The following VWA7 variants were observed in gnomAD, a reference collection of about 807,000 sequenced individuals.
VWA7 encodes von Willebrand factor A domain containing 7.
Under a neutral mutation model 83.1 loss-of-function variants are expected in VWA7, and 66 were observed. The observed-to-expected ratio is 0.79, with a 90% CI of 0.65 to 0.98. The LOEUF is 0.98. Ranked by LOEUF, VWA7 falls within the 50% of genes least tolerant of loss-of-function variation. The probability of loss-of-function intolerance (pLI) is 0.00; values close to 1 mark genes in which losing one functional copy is unlikely to be tolerated. For synonymous variants in VWA7, 424 were observed against 488.5 expected (o/e 0.87, Z 1.74); for missense variants, 1,080 against 1,160.2 (o/e 0.93, Z 1.00).
At chr6:31,770,967 A>G (rs1812116042) in intron 7 of VWA7, among the ~76,000 whole-genome samples, 1 of 144,168 alleles carries the variant, frequency 6.9e-6, no homozygotes, top group Non-Finnish European at 1.5e-5. Flanking sequence ...GTACCATTGC[A>G]CTCCAACCTG....
At position 31,776,384 on chromosome 6, in the gene VWA7, G is replaced by A; in HGVS notation, c.235-142C>T. 7.6e-7 allele frequency: 1 copy of A among 1,310,410 alleles called. No homozygotes were observed. Among genetic ancestry groups the A allele is most frequent in the Non-Finnish European group, 1.0e-6 (1 of 970,398 alleles). 81.2% of individuals were successfully genotyped at this position (1,310,410 alleles called of 1,614,324 possible). Reference sequence around the variant, plus strand: ...GAGGGACAGTCCCGGACCTTTCTAAGGAGGGGGACTCCTAATTTCAGGACC... The same window carrying A: ...GAGGGACAGTCCCGGACCTTTCTAAAGAGGGGGACTCCTAATTTCAGGACC... On this transcript the variant is annotated intron_variant, in intron 2 of 16. Coordinates refer to ENST00000375688, the MANE Select transcript of VWA7 (RefSeq NM_025258.3). This position sits in a 1 kb window ranked among gnomAD's most constrained non-coding sequence, Gnocchi z 6.2.
At chr6:31,768,084 G>C (rs1175564203) in intron 10 of VWA7, among the ~76,000 whole-genome samples, 1 of 140,642 alleles carries the variant, frequency 7.1e-6, no homozygotes, top group Admixed American at 7.6e-5. Flanking sequence ...AGGCTGCAGT[G>C]AGCCAAGATT....
At position 31,772,972 on chromosome 6, in the gene VWA7, C is replaced by G; in HGVS notation, c.1069G>C (p.Val357Leu). ...CACTTACCTGGGTCATGAAAAGGCA[C>G]CAGGACATAGTGGACAGGCTCCATG... is the stretch of plus-strand genomic sequence containing the variant. ...SPMEPVHYVL[V>L]PFHDPGFGPV... Residue 357 changes from valine to leucine, a missense_variant, in exon 7 of 17, where the codon GTG becomes CTG. By Grantham distance (32) the Val-to-Leu change is conservative (BLOSUM62 1). Coordinates refer to ENST00000375688, the MANE Select transcript of VWA7 (RefSeq NM_025258.3). The G allele has an allele frequency of 6.6e-7, 1 of 1,513,420 alleles. No individual in the cohort carries two copies. Among genetic ancestry groups the G allele is most frequent in the Non-Finnish European group, 9.1e-7 (1 of 1,099,842 alleles). 93.7% of individuals were successfully genotyped at this position (1,513,420 alleles called of 1,614,324 possible).
rs1322943247 is a variant in VWA7, at chr6:31,769,491, G to A, written c.1317+184C>T. Among the ~76,000 whole-genome samples, 2 of 152,192 alleles carry A rather than the reference G, an allele frequency of 1.3e-5. No homozygotes were observed. Among genetic ancestry groups the A allele is most frequent in the Non-Finnish European group, 1.5e-5 (1 of 68,034 alleles). ...TAAAAATTCAGCGTTATTAAGGGTA[G>A]GGCCTCTTACGTATATCATTAAAGG... On this transcript the variant is annotated intron_variant, in intron 9 of 16. Transcript: ENST00000375688. This position sits in a 1 kb window ranked among gnomAD's most constrained non-coding sequence, Gnocchi z 4.5.
In VWA7 at chr6:31,766,347, T is replaced by C. The variant is rs1811566910; in HGVS notation, c.2222A>G (p.Lys741Arg). Residue 741 changes from lysine to arginine, a missense_variant, in exon 15 of 17, where the codon AAA becomes AGA. Coordinates refer to ENST00000375688, the MANE Select transcript of VWA7 (RefSeq NM_025258.3). The surrounding 1 kb of genome is among the most constrained non-coding windows in gnomAD (Gnocchi z 4.9). ...GGCGATGCGGAGACTGAGCGGGACT[T>C]TGCTGCCCGGGGCCAAGAAACCCGA... Reference protein sequence around the residue: ...GPSGFLAPGSKVPLSLRIASF... With the variant: ...GPSGFLAPGSRVPLSLRIASF... The C allele has an allele frequency of 6.2e-6, 10 of 1,607,708 alleles. No homozygotes were observed. Among genetic ancestry groups the C allele is most frequent in the Non-Finnish European group, 6.8e-6 (8 of 1,177,994 alleles).
chr6:31,765,896 GC>G lies in VWA7; in HGVS notation c.2485del (p.Ala829ProfsTer32), dbSNP rs1335456752. The G allele has an allele frequency of 6.2e-7, 1 of 1,612,996 alleles. No individual in the cohort carries two copies. The highest frequency in any genetic ancestry group is 1.3e-5 in the African/African-American group (1 of 74,942). ...GTGGTTCCTCACCTGCGGGGCTGGG[GC>G]CGATACCAGGAGCCGGAGGAAAGCA... The part of the protein sequence containing the change: ...THAFLRLLVS[A>X]PAPQDRHTTP... On this transcript the variant is annotated frameshift_variant, in exon 16 of 17. Coordinates refer to ENST00000375688, the MANE Select transcript of VWA7 (RefSeq NM_025258.3). LOFTEE classifies it low-confidence loss of function (END_TRUNC).
At position 31,767,688 on chromosome 6, in the gene VWA7, G is replaced by C; in HGVS notation, c.1570C>G (p.Leu524Val). 19 of 1,613,664 alleles carry C rather than the reference G, an allele frequency of 1.2e-5. No homozygotes were observed. The highest frequency in any genetic ancestry group is 1.5e-5 in the Non-Finnish European group (18 of 1,179,564). ...ATCCGGACTGTGATCTTCTGGAGCA[G>C]CCCATCCACGCTGAACACAAGTGGC... ...GQPLVFSVDG[L>V]LQKITVRIHG... Residue 524 changes from leucine to valine, a missense_variant, in exon 11 of 17, where the codon CTG becomes GTG. By Grantham distance (32) the Leu-to-Val change is conservative. Transcript: ENST00000375688.
At position 31,770,007 on chromosome 6, in the gene VWA7, G is replaced by A. The variant is rs750018318; in HGVS notation, c.1194C>T (p.Ala398=). ...GGDEPEMCLS[A]LQLALLHTPP... ...AAGAAGGGAGGGGCCAGACCTGCAG[G>A]GCTGACAGGCACATCTCAGGCTCGT... is the stretch of plus-strand genomic sequence containing the variant. Residue 398 remains alanine, a synonymous_variant, in exon 8 of 17, where the codon GCC becomes GCT. Transcript: ENST00000375688. 1.2e-6 allele frequency: 2 copies of A among 1,612,852 alleles called. No homozygotes were observed. Among genetic ancestry groups the A allele is most frequent in the Non-Finnish European group, 8.5e-7 (1 of 1,179,938 alleles).
rs1812716900 is a variant in VWA7, at chr6:31,776,705, G to T, written c.75C>A (p.Pro25=). Residue 25 remains proline (P), a synonymous_variant, in exon 2 of 17, where the codon CCC becomes CCA. Transcript: ENST00000375688. This position sits in a 1 kb window ranked among gnomAD's most constrained non-coding sequence, Gnocchi z 6.2. ...ALLLLQLLLP[P]TSAFFPNIWS... ...AGATGTTGGGGAAGAAGGCAGATGTGGGGGGCAGCAACAGCTGCAGCAGAA... is the reference window on the plus strand; with the variant it reads ...AGATGTTGGGGAAGAAGGCAGATGTTGGGGGCAGCAACAGCTGCAGCAGAA... The T allele has an allele frequency of 1.3e-6, 2 of 1,506,456 alleles. No individual in the cohort carries two copies. The highest frequency in any genetic ancestry group is 1.3e-5 in the South Asian group (1 of 78,874). 93.3% of individuals were successfully genotyped at this position (1,506,456 alleles called of 1,614,324 possible).
chr6:31,770,261 G>T, intron 7 of VWA7, 148 bp from the exon 8 acceptor site: 1 of 666,180 alleles, frequency 1.5e-6, no homozygotes, highest in Non-Finnish European at 2.5e-6. Flanking sequence ...CTCATACTTG[G>T]CCGGGTGCGG....
Position 31,776,204 on chromosome 6 carries a change from G to A in VWA7, c.273C>T (p.Tyr91=). 1 of 1,614,074 alleles carries A rather than the reference G, an allele frequency of 6.2e-7. No individual in the cohort carries two copies. The highest frequency in any genetic ancestry group is 2.2e-5 in the East Asian group (1 of 44,884). Reference sequence around the variant, plus strand: ...ACCGCCGAGAAGAACCAGGTCCAAAGTAGGCGGCAAAGAGGTCATCAGCAA... The same window carrying A: ...ACCGCCGAGAAGAACCAGGTCCAAAATAGGCGGCAAAGAGGTCATCAGCAA... ...TLLADDLFAA[Y]FGPGSSRRFR... The change falls in exon 3 of 17, where the codon TAC becomes TAT. Residue 91 remains tyrosine, a synonymous_variant. Transcript: ENST00000375688. This position sits in a 1 kb window ranked among gnomAD's most constrained non-coding sequence, Gnocchi z 6.2.
chr6:31,770,043 C>CA lies in VWA7; in HGVS notation c.1157dup (p.Leu386PhefsTer8). On this transcript the variant is annotated frameshift_variant, in exon 8 of 17. Coordinates refer to ENST00000375688, the MANE Select transcript of VWA7 (RefSeq NM_025258.3). LOFTEE classifies it high-confidence loss of function. Reference sequence around the variant, plus strand: ...ACATCTCAGGCTCGTCTCCACCCCCCAAGGCATGGATCTCATTAAGCTGTT... The same window carrying CA: ...ACATCTCAGGCTCGTCTCCACCCCCCAAAGGCATGGATCTCATTAAGCTGTT... 2.5e-6 allele frequency: 4 copies of CA among 1,612,854 alleles called. No individual in the cohort carries two copies. Among genetic ancestry groups the CA allele is most frequent in the Non-Finnish European group, 3.4e-6 (4 of 1,179,988 alleles).
At position 31,766,327 on chromosome 6, in the gene VWA7, T is replaced by C. The variant is rs369326513; in HGVS notation, c.2242A>G (p.Ile748Val). 154 of 1,610,742 alleles carry C rather than the reference T, an allele frequency of 9.6e-5. No individual in the cohort carries two copies. The highest frequency in any genetic ancestry group is 1.6e-4 in the Middle Eastern group (1 of 6,072). The change falls in exon 15 of 17, where the codon ATC (isoleucine) becomes GTC (valine). Residue 748 changes from isoleucine to valine, a missense_variant. Transcript: ENST00000375688. The surrounding 1 kb of genome is among the most constrained non-coding windows in gnomAD (Gnocchi z 4.9). ...TCCTGAGGGCCCGAGAAGCTGGCGA[T>C]GCGGAGACTGAGCGGGACTTTGCTG... Reference protein sequence around the residue: ...PGSKVPLSLRIASFSGPQDLD... With the variant: ...PGSKVPLSLRVASFSGPQDLD...
rs1313985092 is a variant in VWA7, at chr6:31,769,339, G to A, written c.1318-136C>T. 1 of 1,109,916 alleles carries A rather than the reference G, an allele frequency of 9.0e-7. No homozygotes were observed. Among genetic ancestry groups the A allele is most frequent in the Non-Finnish European group, 1.3e-6 (1 of 794,826 alleles). 68.8% of individuals were successfully genotyped at this position (1,109,916 alleles called of 1,614,324 possible). ...CTCTGCCTGCCTTCTGGCTGCTGGG[G>A]TGGGGAATCCCAATGACAGAACCCC... On this transcript the variant is annotated intron_variant, in intron 9 of 16. Transcript: ENST00000375688. This position sits in a 1 kb window ranked among gnomAD's most constrained non-coding sequence, Gnocchi z 4.5.
Position 31,773,560 on chromosome 6 carries a change from T to C in VWA7, c.722-123A>G. On this transcript the variant is annotated intron_variant, in intron 5 of 16. Transcript: ENST00000375688. The surrounding 1 kb of genome is among the most constrained non-coding windows in gnomAD (Gnocchi z 5.3). ...TCAGCAAGGGTTCAGCAAGAAATGA[T>C]GACGGGGTTGGCGCGGTGGCTCACG... The C allele has an allele frequency of 9.5e-7, 1 of 1,052,724 alleles. No individual in the cohort carries two copies. The allele number at this position is 1,052,724 out of a possible 1,614,324, so 65.2% of individuals were successfully genotyped here.
rs1190423923 is a variant in VWA7, at chr6:31,776,606, C to A, written c.174G>T (p.Leu58=). The A allele has an allele frequency of 6.5e-7, 1 of 1,548,802 alleles. No individual in the cohort carries two copies. The highest frequency in any genetic ancestry group is 8.7e-7 in the Non-Finnish European group (1 of 1,146,104). ...LTEEAALNVT[L]QLFLEQPPPG... The stretch of plus-strand genomic sequence containing the variant: ...GGGGTGGCTGCTCCAGGAAGAGCTG[C>A]AGGGTGACGTTGAGCGCTGCCTCCT... Residue 58 remains leucine (L), a synonymous_variant, in exon 2 of 17, where the codon CTG becomes CTT. Transcript: ENST00000375688. The surrounding 1 kb of genome is among the most constrained non-coding windows in gnomAD (Gnocchi z 6.2).
Position 31,766,736 on chromosome 6 carries a change from C to T in VWA7, c.1911G>A (p.Val637=), listed in dbSNP as rs753383987. 6.2e-7 allele frequency: 1 copy of T among 1,606,526 alleles called. No individual in the cohort carries two copies. Among genetic ancestry groups the T allele is most frequent in the Non-Finnish European group, 8.5e-7 (1 of 1,175,046 alleles). The change falls in exon 14 of 17, where the codon GTG becomes GTA. Residue 637 remains valine (V), a synonymous_variant. Transcript: ENST00000375688. The surrounding 1 kb of genome is among the most constrained non-coding windows in gnomAD (Gnocchi z 4.9). ...AGLQTQLLVE[V]TGLGSRANPG... ...GATTGGCTCTGGAACCCAACCCTGT[C>T]ACTTCTACCAGCAGCTGGGTCTGAA...
rs1812692331 is a variant in VWA7, at chr6:31,776,395, C to T, written c.234+151G>A. 2 of 1,277,924 alleles carry T rather than the reference C, an allele frequency of 1.6e-6. No individual in the cohort carries two copies. 79.2% of individuals were successfully genotyped at this position (1,277,924 alleles called of 1,614,324 possible). Reference sequence around the variant, plus strand: ...CCGGACCTTTCTAAGGAGGGGGACTCCTAATTTCAGGACCAAGACTACTGG... The same window carrying T: ...CCGGACCTTTCTAAGGAGGGGGACTTCTAATTTCAGGACCAAGACTACTGG... On this transcript the variant is annotated intron_variant, in intron 2 of 16. Transcript: ENST00000375688. The surrounding 1 kb of genome is among the most constrained non-coding windows in gnomAD (Gnocchi z 6.2).
Position 31,773,755 on chromosome 6 carries a change from G to GA in VWA7, c.722-319dup, listed in dbSNP as rs1281487668. Among the ~76,000 whole-genome samples, 8 of 152,188 alleles carry GA rather than the reference G, an allele frequency of 5.3e-5. No individual in the cohort carries two copies. Among genetic ancestry groups the GA allele is most frequent in the African/African-American group, 1.7e-4 (7 of 41,414 alleles). On this transcript the variant is annotated intron_variant, in intron 5 of 16. Transcript: ENST00000375688. This position sits in a 1 kb window ranked among gnomAD's most constrained non-coding sequence, Gnocchi z 5.3. ...CCAGCTACTTAGGAGGCTGAGGAAG[G>GA]AAAATAGCTTGATCCCAAGAGGCGG...
Sources: allele counts gnomAD v4.1 joint callset (sites outside exome capture counted in the v4.1 genomes callset), GRCh38; gene constraint gnomAD v4.1.1; non-coding constraint Gnocchi (gnomAD v3.1); transcripts MANE v1.5; gene names NCBI Gene and HGNC (gene_info 2026-07-23, HGNC 2026-07-21).